REDIC1: variants seen among roughly 807,000 people sequenced by gnomAD.
The protein encoded by REDIC1 is HEI10 Interacting Protein 1.
chr12:39,711,439 G>A, the REDIC1 span, among the ~76,000 whole-genome samples: 3 of 61,006 alleles, frequency 4.9e-5, no homozygotes, highest in Non-Finnish European at 8.7e-5. Context: ...ATATGTATAT[G>A]TGTGTACATA....
chr12:39,712,443 T>TACATAC, the REDIC1 span, among the ~76,000 whole-genome samples: 1,170 of 58,098 alleles, frequency 0.02, 18 homozygotes, highest in African/African-American at 0.045. Context: ...CATACGTATA[T>TACATAC]GTATACATAC....
chr12:39,671,492 G>C, the REDIC1 span, among the ~76,000 whole-genome samples: 1 of 152,130 alleles, frequency 6.6e-6, no homozygotes, highest in African/African-American at 2.4e-5. Context: ...ATCCAGGTGG[G>C]CCAATTCTTG....
chr12:39,727,562 T>G, the REDIC1 span, among the ~76,000 whole-genome samples: 1 of 152,214 alleles, frequency 6.6e-6, no homozygotes, highest in Non-Finnish European at 1.5e-5. Context: ...AGCCTTGTAG[T>G]ATAGTTTTGT....
the REDIC1 span, among the ~76,000 whole-genome samples, chr12:39,763,309 G>T: frequency 2.6e-5 from 4 of 151,994 alleles, no homozygotes; most frequent in Non-Finnish European, 5.9e-5. Context: ...GATAATAAAA[G>T]CATTAGATAA....
the REDIC1 span, chr12:39,640,829 C>T: frequency 1.8e-6 from 1 of 556,086 alleles, no homozygotes; most frequent in Non-Finnish European, 3.1e-6. Context: ...AGTTTCTTTT[C>T]AGAAAAAATG....
At chr12:39,668,666 G>A in the REDIC1 span, among the ~76,000 whole-genome samples, 93 of 152,182 alleles carry the variant, frequency 6.1e-4, no homozygotes, top group South Asian at 1.7e-3. Context: ...ACTCGGTTCC[G>A]TTCTCCCTGT....
At chr12:39,719,140 G>A in the REDIC1 span, among the ~76,000 whole-genome samples, 1 of 152,006 alleles carries the variant, frequency 6.6e-6, no homozygotes. Context: ...ATGCAAATGA[G>A]GCCTTAGAAA....
At chr12:39,713,066 T>C in the REDIC1 span, among the ~76,000 whole-genome samples, 2 of 147,540 alleles carry the variant, frequency 1.4e-5, no homozygotes, top group African/African-American at 4.9e-5. Flanking sequence ...TGTATATGTG[T>C]ATACACGTGC....
chr12:39,668,931 T>A, the REDIC1 span, among the ~76,000 whole-genome samples: 1 of 149,484 alleles, frequency 6.7e-6, no homozygotes, highest in Admixed American at 6.8e-5. Context: ...TTCTCTGCAT[T>A]GGTTATTCTA....
chr12:39,691,175 T>G, the REDIC1 span, among the ~76,000 whole-genome samples: 1 of 152,130 alleles, frequency 6.6e-6, no homozygotes, highest in Non-Finnish European at 1.5e-5. Context: ...GGCAGTAGTT[T>G]ACGTTACTTC....
chr12:39,764,812 A>G, the REDIC1 span: 17 of 1,612,480 alleles, frequency 1.1e-5, no homozygotes, highest in African/African-American at 2.0e-4. Flanking sequence ...CAGAAATTGT[A>G]AGCCCAAAAT....
the REDIC1 span, among the ~76,000 whole-genome samples, chr12:39,900,870 C>T: frequency 3.2e-3 from 487 of 152,228 alleles, 3 homozygotes; most frequent in Non-Finnish European, 3.6e-3. Context: ...AAAAAGATCC[C>T]GCATCGCCAA....
At chr12:39,766,569 C>G in the REDIC1 span, among the ~76,000 whole-genome samples, 6 of 151,948 alleles carry the variant, frequency 3.9e-5, no homozygotes, top group Admixed American at 2.0e-4. Context: ...GGGAAGTTTG[C>G]AAAATTGACT....
At chr12:39,694,758 A>C in the REDIC1 span, among the ~76,000 whole-genome samples, 1 of 151,512 alleles carries the variant, frequency 6.6e-6, no homozygotes, top group Non-Finnish European at 1.5e-5. Flanking sequence ...CTATTGAGAC[A>C]CCAGCTGGGG....
the REDIC1 span, among the ~76,000 whole-genome samples, chr12:39,660,039 C>T: frequency 4.7e-3 from 712 of 152,158 alleles, 4 homozygotes; most frequent in African/African-American, 0.017. Flanking sequence ...TTCTTGATCC[C>T]CCTTGAATTA....
chr12:39,803,661 C>G, the REDIC1 span, among the ~76,000 whole-genome samples: 1 of 151,952 alleles, frequency 6.6e-6, no homozygotes, highest in African/African-American at 2.4e-5. Flanking sequence ...AAGCAGTGAA[C>G]TGGATGAATG....
At chr12:39,764,477 T>G in the REDIC1 span, 1 of 1,597,366 alleles carries the variant, frequency 6.3e-7, no homozygotes, top group Admixed American at 1.8e-5. Context: ...TGTAAGATAC[T>G]CTGCTGTGTG....
At chr12:39,824,348 G>A in the REDIC1 span, among the ~76,000 whole-genome samples, 9 of 152,256 alleles carry the variant, frequency 5.9e-5, no homozygotes, top group South Asian at 2.1e-4. Flanking sequence ...TTCTAGCAGC[G>A]CTCTTACAAG....
At chr12:39,630,204 CAG>C in the REDIC1 span, among the ~76,000 whole-genome samples, 1 of 152,128 alleles carries the variant, frequency 6.6e-6, no homozygotes, top group Non-Finnish European at 1.5e-5. Context: ...ATACTTACCT[CAG>C]ATATGAAGGT....
Sources: allele counts gnomAD v4.1 joint callset (sites outside exome capture counted in the v4.1 genomes callset), GRCh38; gene constraint gnomAD v4.1.1; transcripts MANE v1.5; gene names NCBI Gene and HGNC (gene_info 2026-07-23, HGNC 2026-07-21).